The following KCNIP4 variants were observed in gnomAD, a reference collection of about 807,000 sequenced individuals.
KCNIP4 encodes the protein Kv channel-interacting protein 4.
A neutral mutation model predicts 34.0 loss-of-function variants in KCNIP4; 12 were observed. The observed-to-expected ratio is 0.35, with a 90% CI of 0.23 to 0.57. KCNIP4 has a LOEUF of 0.57. Ranked by LOEUF, KCNIP4 falls within the 20% of genes least tolerant of loss-of-function variation. The pLI is 0.83. For synonymous variants in KCNIP4, 124 were observed against 102.2 expected, an observed-to-expected ratio of 1.21 and a Z score of -1.29; for missense variants, 238 against 311.7, an observed-to-expected ratio of 0.76 and a Z score of 1.78.
chr4:20,842,657 T>C (rs534976037), intron 3 of KCNIP4, among the ~76,000 whole-genome samples: 16 of 148,974 alleles, frequency 1.1e-4, no homozygotes, highest in Non-Finnish European at 1.2e-4. Context: ...CTATTTGTTC[T>C]TTAGAAAGAC....
intron 3 of KCNIP4, among the ~76,000 whole-genome samples, chr4:20,834,017 C>T (rs934840862): frequency 2.6e-5 from 4 of 152,100 alleles, no homozygotes; most frequent in Non-Finnish European, 5.9e-5. Context: ...TCTCGGGATC[C>T]AAGAATACAT....
intron 1 of KCNIP4, among the ~76,000 whole-genome samples, chr4:21,449,576 T>C (rs192851000): frequency 3.6e-4 from 55 of 151,740 alleles, no homozygotes; most frequent in African/African-American, 1.3e-3. Flanking sequence ...CTTTATTTTT[T>C]CCACATCTCC....
chr4:21,548,825 T>C (rs1339179441), intron 1 of KCNIP4, among the ~76,000 whole-genome samples: 1 of 151,996 alleles, frequency 6.6e-6, no homozygotes, highest in Non-Finnish European at 1.5e-5. Context: ...CACCTATAAA[T>C]TATAATTTAA....
chr4:20,875,534 A>G (rs1477984254), intron 2 of KCNIP4, among the ~76,000 whole-genome samples: 1 of 152,226 alleles, frequency 6.6e-6, no homozygotes, highest in African/African-American at 2.4e-5. Flanking sequence ...TGACACTTTT[A>G]GGGCTTAAAA....
At chr4:21,006,555 C>T (rs1738570968) in intron 1 of KCNIP4, among the ~76,000 whole-genome samples, 4 of 152,136 alleles carry the variant, frequency 2.6e-5, no homozygotes, top group Admixed American at 2.6e-4. Context: ...AACAGATAAG[C>T]CAAATTATAT....
At chr4:20,918,472 A>C (rs1577364941) in intron 1 of KCNIP4, among the ~76,000 whole-genome samples, 1 of 152,086 alleles carries the variant, frequency 6.6e-6, no homozygotes, top group East Asian at 1.9e-4. Context: ...TTCTCTTTTA[A>C]TACTTTTATG....
chr4:21,497,304 G>A (rs12643431), intron 1 of KCNIP4, among the ~76,000 whole-genome samples: 2,963 of 152,238 alleles, frequency 0.019, 94 homozygotes, highest in East Asian at 0.12. Flanking sequence ...TCAGTCTTCA[G>A]TAAGGGTTGA....
intron 1 of KCNIP4, among the ~76,000 whole-genome samples, chr4:21,117,250 C>T (rs1461245229): frequency 6.9e-6 from 1 of 145,710 alleles, no homozygotes; most frequent in Non-Finnish European, 1.5e-5. Context: ...AATCCAGGTC[C>T]CATCCCCAGA....
intron 1 of KCNIP4, among the ~76,000 whole-genome samples, chr4:21,411,535 C>T (rs1277371737): frequency 6.6e-6 from 1 of 152,134 alleles, no homozygotes; most frequent in Non-Finnish European, 1.5e-5. Context: ...TCAGAGTTGG[C>T]CAGGCAAATT....
intron 5 of KCNIP4, among the ~76,000 whole-genome samples, chr4:20,747,423 A>G (rs905994606): frequency 1.3e-5 from 2 of 152,148 alleles, no homozygotes; most frequent in African/African-American, 2.4e-5. Context: ...ACTTGTTTCT[A>G]AAGTGAAGCA....
At chr4:21,393,959 G>C (rs1364062131) in intron 1 of KCNIP4, among the ~76,000 whole-genome samples, 1 of 152,110 alleles carries the variant, frequency 6.6e-6, no homozygotes, top group Non-Finnish European at 1.5e-5. Context: ...CAAATGTCTG[G>C]ATAATTCATT....
intron 1 of KCNIP4, among the ~76,000 whole-genome samples, chr4:21,029,149 A>G (rs1011760510): frequency 6.6e-6 from 1 of 152,212 alleles, no homozygotes; most frequent in African/African-American, 2.4e-5. Flanking sequence ...AGAGAAGCCT[A>G]CATTTGTTAA....
chr4:21,547,860 GCC>G (rs1738264422), intron 1 of KCNIP4, among the ~76,000 whole-genome samples: 2 of 146,562 alleles, frequency 1.4e-5, no homozygotes, highest in African/African-American at 5.0e-5. Context: ...TATACGTATA[GCC>G]TGAAGGTGAC....
intron 1 of KCNIP4, among the ~76,000 whole-genome samples, chr4:21,051,042 T>G (rs1337956799): frequency 6.6e-6 from 1 of 152,200 alleles, no homozygotes; most frequent in Non-Finnish European, 1.5e-5. Flanking sequence ...ATTTGGTATT[T>G]CTCCCTCTGA....
chr4:21,283,077 A>G (rs1016891313), intron 1 of KCNIP4, among the ~76,000 whole-genome samples: 2 of 152,228 alleles, frequency 1.3e-5, no homozygotes, highest in Non-Finnish European at 2.9e-5. Flanking sequence ...AACAAAAACT[A>G]GACACAAAAG....
intron 1 of KCNIP4, among the ~76,000 whole-genome samples, chr4:21,601,197 C>A (rs746939928): frequency 1.3e-5 from 2 of 151,902 alleles, no homozygotes; most frequent in African/African-American, 2.4e-5. Context: ...TCCAAACTAT[C>A]ATCAAACCAA....
intron 1 of KCNIP4, among the ~76,000 whole-genome samples, chr4:21,609,211 T>A (rs1416952827): frequency 1.3e-5 from 2 of 152,138 alleles, no homozygotes; most frequent in African/African-American, 4.8e-5. Flanking sequence ...TGCTTGTGAA[T>A]AATGAGAAAA....
intron 1 of KCNIP4, among the ~76,000 whole-genome samples, chr4:21,532,093 G>A (rs551338642): frequency 6.6e-6 from 1 of 152,162 alleles, no homozygotes; most frequent in South Asian, 2.1e-4. Flanking sequence ...AGTATACTTT[G>A]AGTCTTGGAA....
At chr4:21,048,634 G>T (rs1742639159) in intron 1 of KCNIP4, among the ~76,000 whole-genome samples, 2 of 152,110 alleles carry the variant, frequency 1.3e-5, no homozygotes, top group African/African-American at 4.8e-5. Context: ...GGTACACAGT[G>T]GGTACTCAAA....
Sources: allele counts gnomAD v4.1 joint callset (sites outside exome capture counted in the v4.1 genomes callset), GRCh38; gene constraint gnomAD v4.1.1; transcripts MANE v1.5; gene names NCBI Gene and HGNC (gene_info 2026-07-23, HGNC 2026-07-21).